The following PBRM1 variants were observed in gnomAD, a reference collection of about 807,000 sequenced individuals.
PBRM1 encodes the protein protein polybromo-1.
A neutral mutation model predicts 194.5 loss-of-function variants in PBRM1; 27 were observed. That is an observed-to-expected ratio of 0.14 (90% confidence interval 0.10 to 0.19). PBRM1 has a LOEUF of 0.19. Ranked by LOEUF, PBRM1 falls within the 10% of genes least tolerant of loss-of-function variation. The pLI is 1.00. For missense variants in PBRM1, 1,466 were observed against 2,077.2 expected (o/e 0.71, Z 5.72); for synonymous variants, 655 against 693.2 (o/e 0.94, Z 0.87).
chr3:52,547,004 C>T (rs1385581315), downstream of PBRM1: 2 of 233,158 alleles, frequency 8.6e-6, no homozygotes, highest in Non-Finnish European at 1.7e-5. Context: ...TGAAGGCAAT[C>T]AATCTACTTG....
chr3:52,593,074 T>C (rs1040512777), intron 17 of PBRM1, among the ~76,000 whole-genome samples: 2 of 152,178 alleles, frequency 1.3e-5, no homozygotes, highest in Non-Finnish European at 2.9e-5. Flanking sequence ...TAGCGGTCCA[T>C]CTTACCAACT....
chr3:52,549,933 T>C lies in PBRM1; in HGVS notation c.4897+488A>G, dbSNP rs868369016. Among the ~76,000 whole-genome samples the C allele has an allele frequency of 2.7e-4, 41 of 150,954 alleles. 1 individual carries two copies. Among genetic ancestry groups the C allele is most frequent in the South Asian group, 8.4e-4 (4 of 4,774 alleles). ...AAAAAAAACAACCCAAAAACCATTT[T>C]CAGGCCAGGCACAGTGGCTCACGCC... On this transcript the variant is annotated intron_variant, in intron 29 of 29. Transcript: ENST00000296302.
intron 1 of PBRM1, 151 bp from the exon 3 acceptor site, chr3:52,678,748 A>G: frequency 1.7e-6 from 1 of 579,082 alleles, no homozygotes; most frequent in Non-Finnish European, 3.1e-6. Context: ...AGTCTGAAAT[A>G]TGCTGACAAT....
intron 17 of PBRM1, among the ~76,000 whole-genome samples, chr3:52,600,936 C>T (rs560678404): frequency 2.6e-5 from 4 of 152,310 alleles, no homozygotes; most frequent in South Asian, 2.1e-4. Context: ...CGTGCCCAGC[C>T]GCTAAATTAC....
intron 15 of PBRM1, among the ~76,000 whole-genome samples, chr3:52,611,520 T>C (rs373596953): frequency 1.1e-4 from 16 of 152,024 alleles, no homozygotes; most frequent in African/African-American, 3.1e-4. Flanking sequence ...TACAACATAG[T>C]GGGCCAGGAG....
chr3:52,568,342 T>C (rs1407733730), intron 22 of PBRM1, among the ~76,000 whole-genome samples: 2 of 152,218 alleles, frequency 1.3e-5, no homozygotes, highest in African/African-American at 4.8e-5. Flanking sequence ...TGTTGATCTT[T>C]ATCTAATTGC....
intron 26 of PBRM1, among the ~76,000 whole-genome samples, chr3:52,556,158 ATTTATTTATAAAAGTTTAGTCTT>A (rs549279572): frequency 6.6e-6 from 1 of 152,326 alleles, no homozygotes; most frequent in Admixed American, 6.5e-5. Context: ...TTTCAAACAT[ATTTATTTATAAAAGTTTAGTCTT>A]TTAAGGCTAT....
intron 20 of PBRM1, among the ~76,000 whole-genome samples, chr3:52,584,583 G>C (rs372456903): frequency 1.4e-3 from 208 of 147,094 alleles, no homozygotes; most frequent in African/African-American, 4.8e-3. Context: ...AGCCATCCAA[G>C]TGGTTGGGTC....
intron 29 of PBRM1, among the ~76,000 whole-genome samples, 177 bp from the exon 32 acceptor site, chr3:52,548,412 A>G (rs1052542428): frequency 2.0e-5 from 3 of 152,078 alleles, no homozygotes; most frequent in African/African-American, 7.3e-5. Flanking sequence ...ACTAGGCACT[A>G]AAAGATTTGA....
chr3:52,627,200 T>C, intron 13 of PBRM1, 73 bp downstream of exon 14: 1 of 772,628 alleles, frequency 1.3e-6, no homozygotes, highest in East Asian at 2.5e-5. Context: ...TTAAAAAATA[T>C]ATATTTTCTT....
In PBRM1 at chr3:52,642,700, T is replaced by C. The variant is rs558851225; in HGVS notation, c.995+548A>G. Among the ~76,000 whole-genome samples the C allele has an allele frequency of 9.2e-5, 14 of 152,102 alleles. No individual in the cohort carries two copies. The South Asian group carries it at 2.3e-3, about 25-fold the overall frequency. On this transcript the variant is annotated intron_variant, in intron 9 of 29. Coordinates refer to ENST00000296302, the Ensembl canonical transcript of PBRM1. ...TATTAGTATTTAACCTCACATTTTATTGGTAGCTAATATTAAACACTGCCT... is the reference window on the plus strand; with the variant it reads ...TATTAGTATTTAACCTCACATTTTACTGGTAGCTAATATTAAACACTGCCT...
At chr3:52,617,296 C>T (rs771077313) in exon 14 of PBRM1, 9 of 1,613,884 alleles carry the variant, frequency 5.6e-6, no homozygotes, top group East Asian at 2.2e-5. Context: ...CCTGGCATTC[C>T]GGAACATCAG....
chr3:52,598,325 C>A (rs1447722699), intron 17 of PBRM1, among the ~76,000 whole-genome samples: 1 of 152,186 alleles, frequency 6.6e-6, no homozygotes, highest in East Asian at 1.9e-4. Context: ...AAACTTTAAT[C>A]ATTAAACAAT....
At chr3:52,583,637 CT>C (rs1412302274) in intron 20 of PBRM1, among the ~76,000 whole-genome samples, 2 of 151,990 alleles carry the variant, frequency 1.3e-5, no homozygotes, top group Non-Finnish European at 2.9e-5. Flanking sequence ...CTAAAGAGCT[CT>C]TTGTATATTA....
chr3:52,677,548 G>A (rs895641299), intron 2 of PBRM1, among the ~76,000 whole-genome samples: 4 of 151,992 alleles, frequency 2.6e-5, no homozygotes, highest in Non-Finnish European at 4.4e-5. Context: ...AAGTAGCTGG[G>A]ATTACAGGCG....
At chr3:52,636,875 A>T (rs999046051) in intron 10 of PBRM1, among the ~76,000 whole-genome samples, 3 of 151,490 alleles carry the variant, frequency 2.0e-5, no homozygotes, top group Admixed American at 1.3e-4. Context: ...AAAAAAAAGA[A>T]TTTAATTATG....
chr3:52,561,736 C>T (rs373805826), intron 25 of PBRM1, 31 bp downstream of exon 27: 26 of 1,596,006 alleles, frequency 1.6e-5, no homozygotes, highest in East Asian at 6.7e-5. Context: ...CCCCTTGCTT[C>T]GAAAGACAGT....
At chr3:52,556,244 A>T (rs1209881903) in intron 26 of PBRM1, among the ~76,000 whole-genome samples, 1 of 152,250 alleles carries the variant, frequency 6.6e-6, no homozygotes, top group Non-Finnish European at 1.5e-5. Context: ...AGTCATACCT[A>T]AGCTGACTAA....
Position 52,609,755 on chromosome 3 carries a change from T to A in PBRM1, c.2125A>T (p.Ile709Phe), listed in dbSNP as rs2094518836. 1 of 1,607,210 alleles carries A rather than the reference T, an allele frequency of 6.2e-7. No homozygotes were observed. Among genetic ancestry groups the A allele is most frequent in the African/African-American group, 1.3e-5 (1 of 74,480 alleles). The change falls in exon 16 of 30, where the codon ATT becomes TTT. Residue 709 changes from isoleucine to phenylalanine, a missense_variant. Coordinates refer to ENST00000296302, the Ensembl canonical transcript of PBRM1. The surrounding 1 kb of genome is among the most constrained non-coding windows in gnomAD (Gnocchi z 4.1). ...TTGTTGGCCATCATGTGACTTCGAA[T>A]TTTTTCCATGTCCATGGGCTTTTTA...
Sources: allele counts gnomAD v4.1 joint callset (sites outside exome capture counted in the v4.1 genomes callset), GRCh38; gene constraint gnomAD v4.1.1; non-coding constraint Gnocchi (gnomAD v3.1); transcripts MANE v1.5; gene names NCBI Gene and HGNC (gene_info 2026-07-23, HGNC 2026-07-21).